FNDC1: variants seen among roughly 807,000 people sequenced by gnomAD.
FNDC1 encodes the protein fibronectin type III domain-containing protein 1.
In FNDC1, 96 loss-of-function variants were observed where a neutral mutation model predicts 168.0. That is an observed-to-expected ratio of 0.57 (90% CI 0.48 to 0.68). The LOEUF (loss-of-function observed/expected upper bound fraction) is 0.68. FNDC1 is among the 30% of genes least tolerant of loss of function. The pLI, the probability that FNDC1 is intolerant of heterozygous loss-of-function variation, is 0.00. For synonymous variants in FNDC1, 1,099 were observed against 1,025.9 expected, an observed-to-expected ratio of 1.07 and a Z score of -1.36; for missense variants, 2,587 against 2,482.1, an observed-to-expected ratio of 1.04 and a Z score of -0.90.
chr6:159,174,852 C>A (rs1217540709), intron 1 of FNDC1, among the ~76,000 whole-genome samples: 6 of 152,194 alleles, frequency 3.9e-5, no homozygotes, highest in Non-Finnish European at 5.9e-5. Context: ...TCAGGGGTAC[C>A]AGCCTCAGGA....
intron 1 of FNDC1, among the ~76,000 whole-genome samples, chr6:159,186,931 T>C (rs1045310188): frequency 6.6e-6 from 1 of 152,260 alleles, no homozygotes; most frequent in East Asian, 1.9e-4. Context: ...TTGGCATGCA[T>C]GCATGAAAGT....
chr6:159,201,137 G>T (rs1271680390), intron 4 of FNDC1, among the ~76,000 whole-genome samples: 14 of 152,206 alleles, frequency 9.2e-5, no homozygotes, highest in African/African-American at 3.4e-4. Context: ...GACATTTCTT[G>T]TGTGTTTCTT....
chr6:159,257,522 G>A (rs553789449), intron 18 of FNDC1, among the ~76,000 whole-genome samples: 4 of 152,276 alleles, frequency 2.6e-5, no homozygotes, highest in South Asian at 4.1e-4. Context: ...CAAAGAGCTC[G>A]AAGTGAGGTG....
Position 159,208,425 on chromosome 6 carries a change from G to A in FNDC1, c.461-6520G>A, listed in dbSNP as rs114249076. On this transcript the variant is annotated intron_variant, in intron 4 of 22. Transcript: ENST00000297267. ...AAGGCTTATGATCTATACAAATTGA[G>A]AGCCATATCCATGCAAGCAACTGTA... is the stretch of plus-strand genomic sequence containing the variant. Among the ~76,000 whole-genome samples the A allele has an allele frequency of 8.7e-3, 1,321 of 152,286 alleles. 23 individuals are homozygous for A. The highest frequency in any genetic ancestry group is 0.031 in the African/African-American group (1,270 of 41,550).
intron 1 of FNDC1, among the ~76,000 whole-genome samples, chr6:159,177,980 T>C (rs1416954620): frequency 6.6e-6 from 1 of 152,232 alleles, no homozygotes; most frequent in Non-Finnish European, 1.5e-5. Flanking sequence ...CATAGATTCC[T>C]GTTCAATTAT....
chr6:159,268,669 T>A (rs1777640631), intron 22 of FNDC1, among the ~76,000 whole-genome samples: 1 of 151,386 alleles, frequency 6.6e-6, no homozygotes, highest in South Asian at 2.1e-4. Flanking sequence ...TATCCATCCA[T>A]CTCTCTATCC....
Position 159,233,551 on chromosome 6 carries a change from C to G in FNDC1, c.3039C>G (p.Ser1013=). The G allele has an allele frequency of 6.3e-7, 1 of 1,593,398 alleles. No homozygotes were observed. Among genetic ancestry groups the G allele is most frequent in the Non-Finnish European group, 8.5e-7 (1 of 1,173,462 alleles). Residue 1013 remains serine, a synonymous_variant, in exon 11 of 23, where the codon TCC becomes TCG. Transcript: ENST00000297267. The surrounding 1 kb of genome is among the most constrained non-coding windows in gnomAD (Gnocchi z 4.6). ...AGCCCCCTCCTCCCGTCGCCACGTC[C>G]CAGCACCACCCGGGACCCCAGAGCA... ...QQQPPPPVAT[S]QHHPGPQSRD...
At position 159,239,825 on chromosome 6, in the gene FNDC1, A is replaced by G; in HGVS notation, c.4489A>G (p.Thr1497Ala). ...PTTTVRTTTR[T>A]TTTTTPTPTT... ...AACCACAGTCCGAACCACTACGCGG[A>G]CAACCACCACCACCACCCCCACACC... The change falls in exon 14 of 23, where the codon ACA becomes GCA. Residue 1497 changes from threonine to alanine, a missense_variant. Thr to Ala is a moderately conservative substitution (Grantham distance 58, BLOSUM62 0). Coordinates refer to ENST00000297267, the MANE Select transcript of FNDC1 (RefSeq NM_032532.3). The G allele has an allele frequency of 1.3e-6, 2 of 1,546,332 alleles. No individual in the cohort carries two copies. Among genetic ancestry groups the G allele is most frequent in the Middle Eastern group, 1.7e-4 (1 of 5,924 alleles).
rs1001179738 is a variant in FNDC1 at position 159,225,732 on chromosome 6, T to G, written c.1072+10T>G. 2 of 1,583,372 alleles carry G rather than the reference T, an allele frequency of 1.3e-6. No homozygotes were observed. Among genetic ancestry groups the G allele is most frequent in the Non-Finnish European group, 1.7e-6 (2 of 1,159,094 alleles). On this transcript the variant is annotated intron_variant, in intron 8 of 22. Transcript: ENST00000297267. ...AGAACACCAGAATCTGGTCTGTATT[T>G]GAAATGGCCTTTGAATTTTCAATTT...
At chr6:159,269,514 G>GCATCCATCCATCCATC (rs1159382501) in intron 22 of FNDC1, among the ~76,000 whole-genome samples, 12 of 86,070 alleles carry the variant, frequency 1.4e-4, no homozygotes, top group African/African-American at 5.3e-4. Flanking sequence ...ATCCATCCAT[G>GCATCCATCCATCCATC]CATCCATCCA....
chr6:159,269,627 CTATCTAT>C (rs1777701127), intron 22 of FNDC1, among the ~76,000 whole-genome samples: 1 of 150,980 alleles, frequency 6.6e-6, no homozygotes, highest in Admixed American at 6.6e-5. Flanking sequence ...ATCTATCTAT[CTATCTAT>C]CTATCTATCT....
intron 4 of FNDC1, among the ~76,000 whole-genome samples, chr6:159,204,643 C>T (rs1037558419): frequency 6.6e-5 from 10 of 152,314 alleles, no homozygotes; most frequent in East Asian, 1.9e-4. Context: ...TACCTCTGCC[C>T]GTCGCTCTGC....
chr6:159,232,109 C>T lies in FNDC1; in HGVS notation c.1597C>T (p.Leu533=), dbSNP rs770167637. The part of the protein sequence containing the change: ...PQLRAKKAEE[L]DLQSTEITGE... Reference sequence around the variant, plus strand: ...GCTTCGCGCCAAGAAGGCAGAGGAGCTGGATCTTCAGTCGACAGAAATCAC... The same window carrying T: ...GCTTCGCGCCAAGAAGGCAGAGGAGTTGGATCTTCAGTCGACAGAAATCAC... Residue 533 remains leucine, a synonymous_variant, in exon 11 of 23, where the codon CTG becomes TTG. Transcript: ENST00000297267. This position sits in a 1 kb window ranked among gnomAD's most constrained non-coding sequence, Gnocchi z 4.9. 5 of 1,613,908 alleles carry T rather than the reference C, an allele frequency of 3.1e-6. No individual in the cohort carries two copies. Among genetic ancestry groups the T allele is most frequent in the Non-Finnish European group, 4.2e-6 (5 of 1,179,856 alleles).
At chr6:159,208,777 A>G (rs2114959630) in intron 4 of FNDC1, among the ~76,000 whole-genome samples, 1 of 152,292 alleles carries the variant, frequency 6.6e-6, no homozygotes, top group Non-Finnish European at 1.5e-5. Flanking sequence ...ATGAAGGCCT[A>G]AGGTCAATAG....
rs763552399 is a variant in FNDC1, at chr6:159,232,666, A to G, written c.2154A>G (p.Arg718=). The G allele has an allele frequency of 1.4e-5, 23 of 1,613,406 alleles. No individual in the cohort carries two copies. The highest frequency in any genetic ancestry group is 1.9e-5 in the Non-Finnish European group (23 of 1,179,710). The part of the protein sequence containing the change: ...EDSSASAPPS[R]LSPPHGGSSR... ...CCAGTGCCTCAGCCCCACCCTCAAGACTTTCTCCACCCCATGGGGGATCAT... is the reference window on the plus strand; with the variant it reads ...CCAGTGCCTCAGCCCCACCCTCAAGGCTTTCTCCACCCCATGGGGGATCAT... The change falls in exon 11 of 23, where the codon AGA becomes AGG. Residue 718 remains arginine (R), a synonymous_variant. Coordinates refer to ENST00000297267, the MANE Select transcript of FNDC1 (RefSeq NM_032532.3). The surrounding 1 kb of genome is among the most constrained non-coding windows in gnomAD (Gnocchi z 4.9).
At chr6:159,245,153 T>G (rs2115007532) in intron 14 of FNDC1, among the ~76,000 whole-genome samples, 1 of 152,256 alleles carries the variant, frequency 6.6e-6, no homozygotes, top group South Asian at 2.1e-4. Context: ...TGGGGGAAAC[T>G]GCCCCCATAA....
intron 5 of FNDC1, among the ~76,000 whole-genome samples, chr6:159,215,774 G>A (rs1782696582): frequency 6.6e-6 from 1 of 152,184 alleles, no homozygotes; most frequent in South Asian, 2.1e-4. Context: ...ACAGGAGAAG[G>A]ATGTAGGCTG....
In FNDC1 at chr6:159,221,699, A is replaced by G. The variant is rs749999917; in HGVS notation, c.766+3A>G. ...CCTAACAAAGCGAAAGATTTCAGGT[A>G]TGTTTCTAAGGATGCATTTGGTCAA... On this transcript the variant is annotated splice_donor_region_variant and intron_variant, in intron 6 of 22. Coordinates refer to ENST00000297267, the MANE Select transcript of FNDC1 (RefSeq NM_032532.3). The G allele has an allele frequency of 6.2e-7, 1 of 1,611,448 alleles. No homozygotes were observed. The highest frequency in any genetic ancestry group is 8.5e-7 in the Non-Finnish European group (1 of 1,177,542).
At chr6:159,256,093 ACATGCACAG>A (rs1777364800) in intron 17 of FNDC1, among the ~76,000 whole-genome samples, 1 of 152,210 alleles carries the variant, frequency 6.6e-6, no homozygotes, top group Admixed American at 6.5e-5. Context: ...AGCCCCGCAC[ACATGCACAG>A]CATCCACCAA....
Sources: gnomAD v4.1 joint callset for allele counts (sites outside exome capture counted in the v4.1 genomes callset) on GRCh38, gnomAD v4.1.1 for gene constraint, Gnocchi (gnomAD v3.1) non-coding constraint, MANE v1.5 for transcripts, NCBI Gene and HGNC (gene_info 2026-07-23, HGNC 2026-07-21) for gene names.